The following SYK variants were observed in gnomAD, a reference collection of about 807,000 sequenced individuals.
SYK encodes the protein tyrosine-protein kinase SYK.
Under a neutral mutation model 77.8 loss-of-function variants are expected in SYK, and 16 were observed. The ratio of observed to expected loss-of-function variants is 0.21; its 90% CI spans 0.14 to 0.31. The LOEUF is 0.31. Among genes scored for constraint, SYK ranks in the 10% least tolerant of loss-of-function variants. SYK has a pLI of 1.00. For synonymous variants in SYK, 312 were observed against 308.7 expected, an observed-to-expected ratio of 1.01 and a Z score of -0.11; for missense variants, 529 against 814.4, an observed-to-expected ratio of 0.65 and a Z score of 4.26.
At chr9:90,865,193 T>C in intron 6 of SYK, 96 bp downstream of exon 6, 5 of 1,287,552 alleles carry the variant, frequency 3.9e-6, no homozygotes, top group Middle Eastern at 3.7e-4. Context: ...GGCATTGATA[T>C]TTTGATTGCG....
intron 1 of SYK, among the ~76,000 whole-genome samples, chr9:90,822,744 T>G (rs1488301852): frequency 1.3e-5 from 2 of 152,200 alleles, no homozygotes; most frequent in Non-Finnish European, 2.9e-5. Flanking sequence ...TCTGCCTCAC[T>G]GCACAGCAGC....
intron 7 of SYK, among the ~76,000 whole-genome samples, chr9:90,872,836 C>T (rs1489983523): frequency 2.0e-5 from 3 of 152,282 alleles, no homozygotes; most frequent in Non-Finnish European, 2.9e-5. Flanking sequence ...GGCACAGTTC[C>T]GAGTGCAGTG....
At chr9:90,815,984 A>G (rs1825277856) in intron 1 of SYK, among the ~76,000 whole-genome samples, 1 of 152,244 alleles carries the variant, frequency 6.6e-6, no homozygotes, top group Admixed American at 6.5e-5. Flanking sequence ...GGGCTGGGAA[A>G]AGAGCACTCT....
rs1031229769 is a variant in SYK, at chr9:90,897,346, C to A, written c.*1746C>A. ...TTTTTAAAGACAGAATCCCTGAGTG[C>A]TGAGCAGATTCTCAAAACACATTTA... On this transcript the variant is annotated 3_prime_UTR_variant, in exon 14 of 14. Transcript: ENST00000375754. The A allele has an allele frequency of 1.7e-5, 4 of 231,032 alleles. No individual in the cohort carries two copies. Among genetic ancestry groups the A allele is most frequent in the African/African-American group, 8.8e-5 (4 of 45,204 alleles). 14.3% of individuals were successfully genotyped at this position (231,032 alleles called of 1,614,324 possible). A position where few individuals can be genotyped will look rare whatever the true frequency, so the allele number is the denominator to read the frequency against.
At chr9:90,840,554 TAAA>T (rs71360457) in intron 1 of SYK, among the ~76,000 whole-genome samples, 2 of 107,024 alleles carry the variant, frequency 1.9e-5, no homozygotes, top group Admixed American at 1.0e-4. Context: ...CCGTCTCTTC[TAAA>T]AAAAAAAAAA....
chr9:90,825,360 T>C (rs963521729), intron 1 of SYK, among the ~76,000 whole-genome samples: 6 of 152,202 alleles, frequency 3.9e-5, no homozygotes, highest in African/African-American at 1.2e-4. Flanking sequence ...TTGTAGCTAA[T>C]GATGAAATGA....
intron 2 of SYK, 51 bp from the exon 3 acceptor site, chr9:90,845,383 T>C: frequency 6.4e-7 from 1 of 1,563,540 alleles, no homozygotes; most frequent in East Asian, 2.3e-5. Flanking sequence ...TTCTGCATCA[T>C]TTTCATTTTT....
At chr9:90,855,265 A>G (rs576509071) in intron 3 of SYK, among the ~76,000 whole-genome samples, 3 of 152,322 alleles carry the variant, frequency 2.0e-5, no homozygotes, top group Admixed American at 1.3e-4. Context: ...TCCCACTTGC[A>G]CTGCAAAGGA....
At chr9:90,879,772 C>G (rs1828077392) in intron 11 of SYK, among the ~76,000 whole-genome samples, 1 of 152,208 alleles carries the variant, frequency 6.6e-6, no homozygotes, top group Admixed American at 6.5e-5. Flanking sequence ...TAAGGGTGGA[C>G]TTCCAGCAAA....
At chr9:90,869,284 A>C (rs1216269505) in intron 7 of SYK, among the ~76,000 whole-genome samples, 2 of 152,224 alleles carry the variant, frequency 1.3e-5, no homozygotes, top group Non-Finnish European at 2.9e-5. Context: ...TGGCAAAAAA[A>C]AAAGTTTGCT....
At chr9:90,865,873 C>A (rs900743101) in intron 6 of SYK, among the ~76,000 whole-genome samples, 2 of 113,292 alleles carry the variant, frequency 1.8e-5, no homozygotes, top group South Asian at 6.1e-4. Flanking sequence ...CTGCTCTTTT[C>A]TTGGGGCTAC....
Position 90,896,190 on chromosome 9 carries a change from G to GGAAA in SYK, c.*603_*606dup, listed in dbSNP as rs1359115641. ...AGTTTCTAAGCATGTAGCCAGTTAA[G>GGAAA]GAAAGAAAGAAAGAAAAAAAAAAAA... On this transcript the variant is annotated 3_prime_UTR_variant, in exon 14 of 14. Transcript: ENST00000375754. The GGAAA allele has an allele frequency of 3.0e-5, 7 of 231,248 alleles. No individual in the cohort carries two copies. Among genetic ancestry groups the GGAAA allele is most frequent in the African/African-American group, 1.3e-4 (6 of 44,866 alleles). 14.3% of individuals were successfully genotyped at this position (231,248 alleles called of 1,614,324 possible).
upstream of SYK, chr9:90,801,804 C>CCGGCGGCTGAGGCCACCCCGG (rs1335412358): frequency 6.6e-6 from 1 of 152,252 alleles, no homozygotes; most frequent in Non-Finnish European, 1.5e-5. Context: ...AGCCGCGGGC[C>CCGGCGGCTGAGGCCACCCCGG]CGGCGGCTGA....
At chr9:90,824,692 A>G (rs78324242) in intron 1 of SYK, among the ~76,000 whole-genome samples, 2 of 152,184 alleles carry the variant, frequency 1.3e-5, no homozygotes, top group African/African-American at 4.8e-5. Flanking sequence ...CAAAAAAAAA[A>G]TCTTAAACTA....
intron 11 of SYK, 61 bp from the exon 12 acceptor site, chr9:90,887,688 C>T: frequency 6.5e-7 from 1 of 1,532,356 alleles, no homozygotes; most frequent in East Asian, 2.4e-5. Context: ...CAGGCATGAA[C>T]CAATGTGCCC....
chr9:90,859,554 G>C (rs1827171148), intron 3 of SYK, among the ~76,000 whole-genome samples: 1 of 152,210 alleles, frequency 6.6e-6, no homozygotes, highest in Non-Finnish European at 1.5e-5. Context: ...CACAGATGAA[G>C]CTGCTATAAG....
At chr9:90,885,812 A>T (rs907140891) in intron 11 of SYK, among the ~76,000 whole-genome samples, 1 of 152,216 alleles carries the variant, frequency 6.6e-6, no homozygotes, top group Non-Finnish European at 1.5e-5. Context: ...CCATAAAGGA[A>T]CCACCATTAG....
chr9:90,851,939 T>G (rs1311680288), intron 3 of SYK, among the ~76,000 whole-genome samples: 1 of 152,186 alleles, frequency 6.6e-6, no homozygotes, highest in Non-Finnish European at 1.5e-5. Flanking sequence ...AAATTAGAAT[T>G]TTTTTAAAGG....
At chr9:90,854,402 AGAG>A (rs1826941587) in intron 3 of SYK, among the ~76,000 whole-genome samples, 1 of 152,100 alleles carries the variant, frequency 6.6e-6, no homozygotes, top group Non-Finnish European at 1.5e-5. Context: ...CAGCGATCTG[AGAG>A]GCATGCATGT....
Sources: gnomAD v4.1 joint callset for allele counts (sites outside exome capture counted in the v4.1 genomes callset) on GRCh38, gnomAD v4.1.1 for gene constraint, MANE v1.5 for transcripts, NCBI Gene and HGNC (gene_info 2026-07-23, HGNC 2026-07-21) for gene names.